The following ZNF765 variants were observed in gnomAD, a reference collection of about 807,000 sequenced individuals.
ZNF765 encodes the protein zinc finger protein 765.
Under a neutral mutation model 44.7 loss-of-function variants are expected in ZNF765, and 37 were observed. The ratio of observed to expected loss-of-function variants is 0.83; its 90% CI spans 0.64 to 1.09. The LOEUF is 1.09. ZNF765 is among the 50% of genes least tolerant of loss of function. The pLI is 0.00. For missense variants in ZNF765, 594 were observed against 626.1 expected (o/e 0.95, Z 0.55); for synonymous variants, 201 against 213.7 (o/e 0.94, Z 0.52).
chr19:53,409,999 C>G lies in ZNF765; in HGVS notation c.*872C>G, dbSNP rs1311029552. On this transcript the variant is annotated 3_prime_UTR_variant, in exon 4 of 4. Transcript: ENST00000396408. ...GAATCCATAATGAAGAGAGATCCTA[C>G]AAGTGTGATAAATGCAGAATAAATG... 3.8e-6 allele frequency: 2 copies of G among 531,904 alleles called. No individual in the cohort carries two copies. The highest frequency in any genetic ancestry group is 3.8e-5 in the African/African-American group (2 of 52,084). 32.9% of individuals were successfully genotyped at this position (531,904 alleles called of 1,614,324 possible).
At chr19:53,423,814 G>A (rs1390474100) in exon 4 of ZNF765, 1 of 159,350 alleles carries the variant, frequency 6.3e-6, no homozygotes, top group Admixed American at 6.0e-5. Context: ...TGTTAGTGCT[G>A]TGCTTGCCAG....
chr19:53,410,360 G>A lies in ZNF765; in HGVS notation c.*1233G>A, dbSNP rs1455729707. Reference sequence around the variant, plus strand: ...TTACATATGTGAAGAATGTCACCAAGTTTTCAGTCACACTCAAACCTTGAA... The same window carrying A: ...TTACATATGTGAAGAATGTCACCAAATTTTCAGTCACACTCAAACCTTGAA... On this transcript the variant is annotated 3_prime_UTR_variant, in exon 4 of 4. Coordinates refer to ENST00000396408, the MANE Select transcript of ZNF765 (RefSeq NM_001040185.3). 3 of 337,522 alleles carry A rather than the reference G, an allele frequency of 8.9e-6. No homozygotes were observed. The highest frequency in any genetic ancestry group is 1.8e-5 in the Non-Finnish European group (3 of 166,824). The allele number at this position is 337,522 out of a possible 1,614,324, so 20.9% of individuals were successfully genotyped here.
Position 53,408,728 on chromosome 19 carries a change from CT to C in ZNF765, c.1176del (p.Phe392LeufsTer33), listed in dbSNP as rs770631853. 25 of 1,575,112 alleles carry C rather than the reference CT, an allele frequency of 1.6e-5. No homozygotes were observed. In the South Asian group the frequency reaches 2.3e-4, roughly 15 times the overall value. On this transcript the variant is annotated frameshift_variant, in exon 4 of 4. Transcript: ENST00000396408. LOFTEE classifies it high-confidence loss of function. ...PYKCNECSKT[F>X]SHKSSLTYHR... ...ACAAGTGTAATGAGTGTAGCAAGAC[CT>C]TTAGTCACAAGTCATCTCTTACATA...
At chr19:53,406,434 G>C (rs1356395394) in intron 3 of ZNF765, among the ~76,000 whole-genome samples, 1 of 152,096 alleles carries the variant, frequency 6.6e-6, no homozygotes, top group African/African-American at 2.4e-5. Context: ...TCTGCTGGTG[G>C]CAAGTAGAAG....
chr19:53,416,454 AATT>A (rs1568787142), downstream of ZNF765, among the ~76,000 whole-genome samples: 1 of 152,016 alleles, frequency 6.6e-6, no homozygotes, highest in African/African-American at 2.4e-5. Flanking sequence ...TTAATTAATA[AATT>A]ACCAGACAAA....
In ZNF765 at chr19:53,410,997, G is replaced by A. The variant is rs922817537; in HGVS notation, c.*1870G>A. On this transcript the variant is annotated 3_prime_UTR_variant, in exon 4 of 4. Coordinates refer to ENST00000396408, the MANE Select transcript of ZNF765 (RefSeq NM_001040185.3). ...AGGATATCAGAAAATTCATTTTGGA[G>A]ATAGTTGTTCCAAATACAATGTGTA... is the stretch of plus-strand genomic sequence containing the variant. 1.1e-5 allele frequency: 4 copies of A among 358,914 alleles called. No homozygotes were observed. Among genetic ancestry groups the A allele is most frequent in the Admixed American group, 7.4e-5 (2 of 27,106 alleles). 22.2% of individuals were successfully genotyped at this position (358,914 alleles called of 1,614,324 possible). A position where few individuals can be genotyped will look rare whatever the true frequency, so the allele number is the denominator to read the frequency against.
At chr19:53,398,842 C>A (rs373501545) in intron 2 of ZNF765, among the ~76,000 whole-genome samples, 3 of 152,062 alleles carry the variant, frequency 2.0e-5, no homozygotes, top group East Asian at 3.9e-4. Flanking sequence ...CTCCACCTTC[C>A]GGGTTCAAGT....
rs945902308 is a variant in ZNF765 at position 53,409,506 on chromosome 19, T to C, written c.*379T>C. 6.3e-5 allele frequency: 64 copies of C among 1,013,236 alleles called. No homozygotes were observed. The African/African-American group carries it at 8.4e-4, about 13-fold the overall frequency. The allele number at this position is 1,013,236 out of a possible 1,614,324, so 62.8% of individuals were successfully genotyped here. ...GCCAGACCTCATCCCTTACATGCCATTGTAGACTTCGTACTGGAGAGAAAC... is the reference window on the plus strand; with the variant it reads ...GCCAGACCTCATCCCTTACATGCCACTGTAGACTTCGTACTGGAGAGAAAC... On this transcript the variant is annotated 3_prime_UTR_variant, in exon 4 of 4. Coordinates refer to ENST00000396408, the MANE Select transcript of ZNF765 (RefSeq NM_001040185.3).
In ZNF765 at chr19:53,408,230, T is replaced by C; in HGVS notation, c.675T>C (p.Asn225=). 1 of 1,614,246 alleles carries C rather than the reference T, an allele frequency of 6.2e-7. No individual in the cohort carries two copies. The highest frequency in any genetic ancestry group is 8.5e-7 in the Non-Finnish European group (1 of 1,180,040). The stretch of plus-strand genomic sequence containing the variant: ...GCAATGACAGTGGCAAAGCCTATAA[T>C]TGTAGCTCACTCTTAAGGAAACATC... ...FQCNDSGKAY[N]CSSLLRKHQL... The change falls in exon 4 of 4, where the codon AAT becomes AAC. Residue 225 remains asparagine (N), a synonymous_variant. Coordinates refer to ENST00000396408, the MANE Select transcript of ZNF765 (RefSeq NM_001040185.3).
chr19:53,401,876 T>C, intron 2 of ZNF765, 189 bp from the exon 3 acceptor site: 2 of 1,217,946 alleles, frequency 1.6e-6, no homozygotes, highest in East Asian at 5.3e-5. Flanking sequence ...ACTCCACCTT[T>C]AAAAAAAAAA....
chr19:53,407,826 G>A lies in ZNF765; in HGVS notation c.271G>A (p.Asp91Asn). Reference sequence around the variant, plus strand: ...TGGAGATTTTTGTTTCCAGGATATTGATAAAGATATTCATGACATTGAGTT... The same window carrying A: ...TGGAGATTTTTGTTTCCAGGATATTAATAAAGATATTCATGACATTGAGTT... ...HNGDFCFQDIDKDIHDIEFQW... is the reference protein window; with the variant it reads ...HNGDFCFQDINKDIHDIEFQW... Residue 91 changes from aspartate (D) to asparagine (N), a missense_variant, in exon 4 of 4, where the codon GAT (aspartate) becomes AAT (asparagine). Transcript: ENST00000396408. 1 of 1,613,626 alleles carries A rather than the reference G, an allele frequency of 6.2e-7. No individual in the cohort carries two copies.
downstream of ZNF765, among the ~76,000 whole-genome samples, chr19:53,415,948 G>GTTTTGTT (rs936964307): frequency 2.0e-5 from 1 of 49,522 alleles, no homozygotes; most frequent in South Asian, 6.6e-4. Context: ...CTTTTGTTTT[G>GTTTTGTT]TTTTGTTTTT....
exon 4 of ZNF765, chr19:53,425,488 A>G (rs1307824749): frequency 2.6e-5 from 4 of 151,770 alleles, no homozygotes; most frequent in African/African-American, 9.7e-5. Context: ...TTATTTTTGT[A>G]TTTTGTAGAG....
chr19:53,407,667 T>A (rs1183836376), intron 3 of ZNF765, 31 bp from the exon 4 acceptor site: 1 of 1,473,760 alleles, frequency 6.8e-7, no homozygotes, highest in South Asian at 1.5e-5. Context: ...CTGTACTTAA[T>A]TTGAAACCTT....
intron 3 of ZNF765, among the ~76,000 whole-genome samples, chr19:53,403,099 G>T (rs1481886689): frequency 6.6e-6 from 1 of 151,688 alleles, no homozygotes; most frequent in Non-Finnish European, 1.5e-5. Context: ...GGAGTCAGAG[G>T]TTGCAGTGAG....
At chr19:53,424,499 A>C (rs1194865067) in exon 4 of ZNF765, 1 of 151,924 alleles carries the variant, frequency 6.6e-6, no homozygotes. Flanking sequence ...AACATTTTGC[A>C]ATTTCTGATA....
downstream of ZNF765, among the ~76,000 whole-genome samples, chr19:53,414,476 CACACACACACA>C (rs1568786015): frequency 4.6e-3 from 93 of 20,140 alleles, 3 homozygotes; most frequent in African/African-American, 0.012. Context: ...CACACACACA[CACACACACACA>C]CACCCCCCCC....
intron 1 of ZNF765, among the ~76,000 whole-genome samples, chr19:53,397,670 C>T (rs1307750559): frequency 2.0e-5 from 3 of 152,022 alleles, no homozygotes. Context: ...CATGAGCCAC[C>T]GCACCCAGCC....
chr19:53,407,793 C>T lies in ZNF765; in HGVS notation c.238C>T (p.His80Tyr). 1 of 1,612,666 alleles carries T rather than the reference C, an allele frequency of 6.2e-7. No individual in the cohort carries two copies. Among genetic ancestry groups the T allele is most frequent in the East Asian group, 2.2e-5 (1 of 44,860 alleles). Reference sequence around the variant, plus strand: ...AGGGACATCTCAAAGACATGAAAGTCATCACAATGGAGATTTTTGTTTCCA... The same window carrying T: ...AGGGACATCTCAAAGACATGAAAGTTATCACAATGGAGATTTTTGTTTCCA... ...HAGTSQRHES[H>Y]HNGDFCFQDI... Residue 80 changes from histidine (H) to tyrosine (Y), a missense_variant, in exon 4 of 4, where the codon CAT becomes TAT. Transcript: ENST00000396408.
Sources: gnomAD v4.1 joint callset for allele counts (sites outside exome capture counted in the v4.1 genomes callset) on GRCh38, gnomAD v4.1.1 for gene constraint, MANE v1.5 for transcripts, NCBI Gene and HGNC (gene_info 2026-07-23, HGNC 2026-07-21) for gene names.